The following ESRRG variants were observed in gnomAD, a reference collection of about 807,000 sequenced individuals.
The protein encoded by ESRRG is estrogen related receptor gamma.
A neutral mutation model predicts 44.0 loss-of-function variants in ESRRG; 13 were observed. That is an observed-to-expected ratio of 0.30 (90% CI 0.19 to 0.47). The LOEUF is 0.47. Among genes scored for constraint, ESRRG ranks in the 20% least tolerant of loss-of-function variants. The pLI is 1.00. For synonymous variants in ESRRG, 215 were observed against 214.6 expected, an observed-to-expected ratio of 1.00 and a Z score of -0.02; for missense variants, 395 against 580.6, an observed-to-expected ratio of 0.68 and a Z score of 3.29.
chr1:216,761,710 T>C (rs1323300665), intron 2 of ESRRG, among the ~76,000 whole-genome samples: 1 of 152,192 alleles, frequency 6.6e-6, no homozygotes, highest in Non-Finnish European at 1.5e-5. Flanking sequence ...CTTTCTGTAT[T>C]AGGCTTAAAT....
intron 1 of ESRRG, among the ~76,000 whole-genome samples, chr1:216,696,928 T>C (rs990543437): frequency 1.3e-5 from 2 of 151,940 alleles, no homozygotes; most frequent in Non-Finnish European, 2.9e-5. Context: ...TAAAGCATTA[T>C]GCAAAATTAA....
At chr1:216,818,654 G>T (rs916638627) in intron 2 of ESRRG, among the ~76,000 whole-genome samples, 1 of 151,884 alleles carries the variant, frequency 6.6e-6, no homozygotes, top group Non-Finnish European at 1.5e-5. Flanking sequence ...AGGATATGCA[G>T]GTTTGTTATA....
intron 2 of ESRRG, among the ~76,000 whole-genome samples, chr1:216,802,894 A>G (rs1171904054): frequency 6.6e-6 from 1 of 152,182 alleles, no homozygotes; most frequent in East Asian, 1.9e-4. Flanking sequence ...ACTAAAAGGA[A>G]AAGTGATTTT....
chr1:216,894,797 C>G (rs924829455), intron 2 of ESRRG, among the ~76,000 whole-genome samples: 2 of 152,086 alleles, frequency 1.3e-5, no homozygotes, highest in African/African-American at 4.8e-5. Context: ...CCAGCATTAG[C>G]CCCTAGACTA....
chr1:216,682,787 G>A (rs1010105615), intron 1 of ESRRG, among the ~76,000 whole-genome samples: 21 of 148,278 alleles, frequency 1.4e-4, no homozygotes, highest in Admixed American at 8.8e-4. Context: ...TGCAGCTCCC[G>A]GAGGTACAGG....
intron 3 of ESRRG, among the ~76,000 whole-genome samples, chr1:216,579,895 T>C (rs1012427186): frequency 6.6e-6 from 1 of 152,222 alleles, no homozygotes; most frequent in Non-Finnish European, 1.5e-5. Context: ...AATTTCTTAG[T>C]CTTTTCTGTC....
intron 2 of ESRRG, among the ~76,000 whole-genome samples, chr1:216,670,047 A>G (rs542472203): frequency 3.9e-5 from 6 of 152,330 alleles, no homozygotes; most frequent in Non-Finnish European, 8.8e-5. Flanking sequence ...TCAATTTTAT[A>G]ACATATTAGA....
chr1:216,564,815 A>C (rs889577677), intron 4 of ESRRG, among the ~76,000 whole-genome samples: 1 of 152,202 alleles, frequency 6.6e-6, no homozygotes, highest in Admixed American at 6.5e-5. Context: ...GCAAAGAACT[A>C]CTAATGCCTA....
intron 1 of ESRRG, among the ~76,000 whole-genome samples, chr1:217,040,912 C>G (rs946692555): frequency 6.6e-6 from 1 of 152,180 alleles, no homozygotes; most frequent in African/African-American, 2.4e-5. Context: ...AAAGGAAATA[C>G]ATACCAGATC....
intron 2 of ESRRG, among the ~76,000 whole-genome samples, chr1:216,933,037 T>G (rs1458886956): frequency 6.6e-6 from 1 of 152,066 alleles, no homozygotes; most frequent in African/African-American, 2.4e-5. Flanking sequence ...GCCAAAGCTT[T>G]TATCTTCTCT....
intron 1 of ESRRG, among the ~76,000 whole-genome samples, chr1:216,690,551 T>A (rs1259739652): frequency 3.9e-5 from 6 of 152,152 alleles, no homozygotes; most frequent in African/African-American, 1.4e-4. Context: ...ATGGGTCATA[T>A]TTGTTAAACC....
chr1:217,125,181 T>C (rs2092873093), intron 1 of ESRRG, among the ~76,000 whole-genome samples: 1 of 152,152 alleles, frequency 6.6e-6, no homozygotes, highest in African/African-American at 2.4e-5. Context: ...GACTCCATTT[T>C]TATAATATAC....
At chr1:216,643,577 C>T (rs996404506) in intron 3 of ESRRG, among the ~76,000 whole-genome samples, 2 of 152,152 alleles carry the variant, frequency 1.3e-5, no homozygotes, top group Non-Finnish European at 2.9e-5. Context: ...ACAGTGTCCT[C>T]AACCTTACCA....
chr1:216,990,745 AT>A (rs1327697744), intron 1 of ESRRG, among the ~76,000 whole-genome samples: 1 of 152,232 alleles, frequency 6.6e-6, no homozygotes, highest in East Asian at 1.9e-4. Context: ...AGGATACAGT[AT>A]ATAACACATA....
intron 1 of ESRRG, among the ~76,000 whole-genome samples, chr1:217,030,107 G>C (rs2081847990): frequency 6.6e-6 from 1 of 152,098 alleles, no homozygotes; most frequent in South Asian, 2.1e-4. Context: ...TGGTGCGGAG[G>C]CAGTGCCTAC....
chr1:216,847,165 G>T (rs1449474224), intron 2 of ESRRG, among the ~76,000 whole-genome samples: 1 of 151,984 alleles, frequency 6.6e-6, no homozygotes, highest in Non-Finnish European at 1.5e-5. Context: ...AGTACATCAA[G>T]GTCTGCCGTG....
intron 1 of ESRRG, among the ~76,000 whole-genome samples, chr1:217,026,956 A>C (rs2081309769): frequency 8.7e-6 from 1 of 115,394 alleles, no homozygotes; most frequent in Admixed American, 8.9e-5. Flanking sequence ...GAGAAAGCCC[A>C]GTCTAGGGTA....
rs556738715 is a variant in ESRRG at position 216,993,759 on chromosome 1, C to T, written c.-105-54086G>A. On this transcript the variant is annotated intron_variant, in intron 1 of 7. Coordinates refer to the ESRRG transcript ENST00000359162. Reference sequence around the variant, plus strand: ...CTCAAAAAATATTGGGTAGAGATTGCGCTCACTCTGGCTCCTGTTCCACAA... The same window carrying T: ...CTCAAAAAATATTGGGTAGAGATTGTGCTCACTCTGGCTCCTGTTCCACAA... Among the ~76,000 whole-genome samples the T allele has an allele frequency of 8.1e-4, 124 of 152,258 alleles. 1 individual carries two copies. The highest frequency in any genetic ancestry group is 2.9e-3 in the African/African-American group (119 of 41,554).
At chr1:216,739,254 T>G (rs757589716) in intron 2 of ESRRG, among the ~76,000 whole-genome samples, 1 of 129,270 alleles carries the variant, frequency 7.7e-6, no homozygotes, top group Non-Finnish European at 1.7e-5. Context: ...CTCCAAAGAT[T>G]CATTAAAGTG....
Sources: allele counts gnomAD v4.1 joint callset (sites outside exome capture counted in the v4.1 genomes callset), GRCh38; gene constraint gnomAD v4.1.1; transcripts MANE v1.5; gene names NCBI Gene and HGNC (gene_info 2026-07-23, HGNC 2026-07-21).